The following PRKCE variants were observed in gnomAD, a reference collection of about 807,000 sequenced individuals.
PRKCE encodes the protein protein kinase C epsilon type.
A neutral mutation model predicts 85.4 loss-of-function variants in PRKCE; 16 were observed. That is an observed-to-expected ratio of 0.19 (90% CI 0.13 to 0.28). The LOEUF is 0.28. Ranked by LOEUF, PRKCE falls within the 10% of genes least tolerant of loss-of-function variation. PRKCE has a pLI of 1.00. For synonymous variants in PRKCE, 388 were observed against 371.5 expected (o/e 1.04, Z -0.51); for missense variants, 573 against 975.2 (o/e 0.59, Z 5.49).
At chr2:45,790,963 C>G (rs1181500156) in intron 1 of PRKCE, among the ~76,000 whole-genome samples, 2 of 151,994 alleles carry the variant, frequency 1.3e-5, no homozygotes, top group African/African-American at 4.8e-5. Context: ...GGCGTGTAGG[C>G]CTCCCACAGA....
intron 2 of PRKCE, among the ~76,000 whole-genome samples, chr2:45,973,765 C>T (rs1358464848): frequency 1.3e-5 from 2 of 152,126 alleles, no homozygotes; most frequent in South Asian, 2.1e-4. Context: ...TTTCATTGCT[C>T]GTCATTTCTG....
At chr2:45,659,837 C>G (rs569091830) in intron 1 of PRKCE, among the ~76,000 whole-genome samples, 1 of 143,436 alleles carries the variant, frequency 7.0e-6, no homozygotes, top group African/African-American at 2.6e-5. Flanking sequence ...CCTTTCCTGC[C>G]TTTTTTTTTT....
At chr2:45,901,752 A>G (rs994726910) in intron 2 of PRKCE, among the ~76,000 whole-genome samples, 6 of 152,196 alleles carry the variant, frequency 3.9e-5, no homozygotes, top group Admixed American at 6.5e-5. Flanking sequence ...CTTGGGGTAG[A>G]AGATTAAAGT....
At chr2:45,654,858 A>G (rs1299255058) in intron 1 of PRKCE, among the ~76,000 whole-genome samples, 1 of 152,150 alleles carries the variant, frequency 6.6e-6, no homozygotes, top group East Asian at 1.9e-4. Flanking sequence ...GACAAGTTGC[A>G]GCTGGGCTAA....
intron 1 of PRKCE, among the ~76,000 whole-genome samples, chr2:45,677,364 T>G (rs1233076447): frequency 6.7e-6 from 1 of 150,118 alleles, no homozygotes; most frequent in Non-Finnish European, 1.5e-5. Context: ...TTTTTTTTTT[T>G]TTTGAGACGG....
At chr2:46,144,324 G>T (rs902848885) in intron 11 of PRKCE, among the ~76,000 whole-genome samples, 6 of 152,104 alleles carry the variant, frequency 3.9e-5, no homozygotes, top group African/African-American at 1.4e-4. Flanking sequence ...AATGCATTGT[G>T]CTCATGCAGG....
intron 2 of PRKCE, among the ~76,000 whole-genome samples, chr2:45,909,282 C>T (rs1428174810): frequency 6.6e-6 from 1 of 152,152 alleles, no homozygotes; most frequent in Non-Finnish European, 1.5e-5. Flanking sequence ...AAGGAAGGCT[C>T]CAATTGGTTT....
chr2:46,012,446 T>G (rs917510917), intron 10 of PRKCE, among the ~76,000 whole-genome samples: 2 of 152,066 alleles, frequency 1.3e-5, no homozygotes, highest in Admixed American at 6.5e-5. Flanking sequence ...CCCAAGGTAG[T>G]GGGGCCTTGC....
chr2:45,912,080 C>T (rs1212686058), intron 2 of PRKCE, among the ~76,000 whole-genome samples: 1 of 152,046 alleles, frequency 6.6e-6, no homozygotes, highest in Non-Finnish European at 1.5e-5. Flanking sequence ...TTTCTCTTTC[C>T]CCAGTTCTTC....
intron 2 of PRKCE, among the ~76,000 whole-genome samples, chr2:45,960,262 T>A (rs1401199292): frequency 6.6e-6 from 1 of 152,240 alleles, no homozygotes; most frequent in Non-Finnish European, 1.5e-5. Flanking sequence ...TACACCTAGA[T>A]GAGTCACTTG....
chr2:45,957,196 C>CACCCAA (rs1427425307), intron 2 of PRKCE, among the ~76,000 whole-genome samples: 1 of 152,250 alleles, frequency 6.6e-6, no homozygotes, highest in East Asian at 1.9e-4. Flanking sequence ...AGCTAATCTT[C>CACCCAA]ACCCAAACCC....
chr2:45,836,678 A>G (rs2105440814), intron 1 of PRKCE, among the ~76,000 whole-genome samples: 1 of 152,154 alleles, frequency 6.6e-6, no homozygotes, highest in Non-Finnish European at 1.5e-5. Flanking sequence ...TGCTTTGGGA[A>G]CCAGTCCCCC....
In PRKCE at chr2:45,979,540, T is replaced by C. The variant is rs561660186; in HGVS notation, c.607+530T>C. ...TGAAGATTATTCCTTTCCAGTTAATTGACTACAAATGCAAGTTTAAGTTGT... is the reference window on the plus strand; with the variant it reads ...TGAAGATTATTCCTTTCCAGTTAATCGACTACAAATGCAAGTTTAAGTTGT... On this transcript the variant is annotated intron_variant, in intron 4 of 14. Transcript: ENST00000306156. Among the ~76,000 whole-genome samples, 52 of 152,310 alleles carry C rather than the reference T, an allele frequency of 3.4e-4. 1 individual carries two copies. Among genetic ancestry groups the C allele is most frequent in the Admixed American group, 1.0e-3 (16 of 15,310 alleles).
intron 11 of PRKCE, among the ~76,000 whole-genome samples, chr2:46,099,624 C>T (rs1025970437): frequency 3.3e-5 from 5 of 152,036 alleles, no homozygotes; most frequent in African/African-American, 1.2e-4. Context: ...ATTGCATCTG[C>T]TACCTTATAT....
At position 46,004,321 on chromosome 2, in the gene PRKCE, C is replaced by T; in HGVS notation, c.967-221C>T. 1 of 484,582 alleles carries T rather than the reference C, an allele frequency of 2.1e-6. No individual in the cohort carries two copies. Among genetic ancestry groups the T allele is most frequent in the Non-Finnish European group, 3.8e-6 (1 of 261,750 alleles). 30.0% of individuals were successfully genotyped at this position (484,582 alleles called of 1,614,324 possible). ...CTTCTGTGAATGTAGGGAAGGTGCA[C>T]TGAAATTCCTTTTGTGGTTCTTGCT... is the stretch of plus-strand genomic sequence containing the variant. On this transcript the variant is annotated intron_variant, in intron 7 of 14. Transcript: ENST00000306156. The surrounding 1 kb of genome is among the most constrained non-coding windows in gnomAD (Gnocchi z 4.1).
chr2:45,917,707 G>A (rs527499611), intron 2 of PRKCE, among the ~76,000 whole-genome samples: 6 of 152,216 alleles, frequency 3.9e-5, no homozygotes, highest in Admixed American at 3.9e-4. Flanking sequence ...GGGACTGGGC[G>A]CCGTGGAGCA....
chr2:46,086,912 A>T (rs1669697999), intron 11 of PRKCE, among the ~76,000 whole-genome samples: 1 of 152,072 alleles, frequency 6.6e-6, no homozygotes, highest in Non-Finnish European at 1.5e-5. Flanking sequence ...CCAATCCTTT[A>T]TTACTGCCCA....
At chr2:46,031,087 G>A (rs1193432313) in intron 10 of PRKCE, among the ~76,000 whole-genome samples, 3 of 152,200 alleles carry the variant, frequency 2.0e-5, no homozygotes, top group East Asian at 3.9e-4. Flanking sequence ...AGTAACTGAA[G>A]CAATGGATTA....
intron 1 of PRKCE, among the ~76,000 whole-genome samples, chr2:45,797,183 G>A (rs972995808): frequency 6.6e-6 from 1 of 152,134 alleles, no homozygotes; most frequent in African/African-American, 2.4e-5. Context: ...TGTCCATGTG[G>A]GGAGACTGCA....
Sources: gnomAD v4.1 joint callset for allele counts (sites outside exome capture counted in the v4.1 genomes callset) on GRCh38, gnomAD v4.1.1 for gene constraint, Gnocchi (gnomAD v3.1) non-coding constraint, MANE v1.5 for transcripts, NCBI Gene and HGNC (gene_info 2026-07-23, HGNC 2026-07-21) for gene names.